Variants in HAPLN2 observed in about 807,000 individuals in gnomAD.
The protein encoded by HAPLN2 is brain link protein-1.
A neutral mutation model predicts 29.3 loss-of-function variants in HAPLN2; 27 were observed. The ratio of observed to expected loss-of-function variants is 0.92; its 90% confidence interval spans 0.68 to 1.27. The LOEUF is 1.27. Ranked by LOEUF, HAPLN2 falls within the 50% of genes most tolerant of loss-of-function variation. HAPLN2 has a pLI of 0.00. For missense variants in HAPLN2, 454 were observed against 484.3 expected (o/e 0.94, Z 0.59); for synonymous variants, 208 against 211.7 (o/e 0.98, Z 0.15).
the HAPLN2 span, among the ~76,000 whole-genome samples, chr1:156,605,598 CAA>C: frequency 4.7e-5 from 3 of 63,840 alleles, no homozygotes; most frequent in Non-Finnish European, 5.2e-5. Context: ...GACTTGGTCT[CAA>C]AAAAAAAAAA....
rs1678408892 is a variant in HAPLN2, at chr1:156,625,232, G to T, written c.871G>T (p.Asp291Tyr). The T allele has an allele frequency of 6.4e-7, 1 of 1,571,736 alleles. No individual in the cohort carries two copies. The highest frequency in any genetic ancestry group is 8.6e-7 in the Non-Finnish European group (1 of 1,159,608). ...GAAGTTTTCGGGGCTAGACCAGTGC[G>T]ACGGCGGCTGGCTGGCTGACGGCAG... ...AWKFSGLDQC[D>Y]GGWLADGSVR... The change falls in exon 7 of 7, where the codon GAC (aspartate) becomes TAC (tyrosine). Residue 291 changes from aspartate to tyrosine, a missense_variant. By Grantham distance (160) the Asp-to-Tyr change is radical. Coordinates refer to ENST00000255039, the MANE Select transcript of HAPLN2 (RefSeq NM_021817.3). This position sits in a 1 kb window ranked among gnomAD's most constrained non-coding sequence, Gnocchi z 5.7.
the HAPLN2 span, among the ~76,000 whole-genome samples, chr1:156,605,454 G>T: frequency 1.3e-5 from 2 of 151,538 alleles, no homozygotes; most frequent in East Asian, 1.9e-4. Context: ...CAAAAAATTA[G>T]CCGGGTGCAG....
At chr1:156,609,026 C>T in the HAPLN2 span, among the ~76,000 whole-genome samples, 1 of 152,182 alleles carries the variant, frequency 6.6e-6, no homozygotes, top group Admixed American at 6.5e-5. Context: ...CCAAGGAATC[C>T]CAGCCTTATT....
At chr1:156,616,743 T>G (rs1337798279), upstream of HAPLN2, among the ~76,000 whole-genome samples, 1 of 151,902 alleles carries the variant, frequency 6.6e-6, no homozygotes, top group African/African-American at 2.4e-5. Flanking sequence ...GGGAAGCGCT[T>G]AAGAACAGGG....
intron 4 of HAPLN2, 85 bp downstream of exon 4, chr1:156,624,245 C>G: frequency 6.6e-7 from 1 of 1,508,490 alleles, no homozygotes; most frequent in South Asian, 1.3e-5. Flanking sequence ...CCCAGTATCT[C>G]CTCCGCACCC....
the HAPLN2 span, among the ~76,000 whole-genome samples, chr1:156,605,063 C>T: frequency 2.0e-5 from 3 of 151,800 alleles, no homozygotes; most frequent in Admixed American, 2.0e-4. Context: ...GTCAGGAGTT[C>T]GAGACCAGCC....
the HAPLN2 span, among the ~76,000 whole-genome samples, chr1:156,612,665 G>A: frequency 6.6e-6 from 1 of 152,150 alleles, no homozygotes; most frequent in Non-Finnish European, 1.5e-5. Context: ...GGTGGCTCAC[G>A]GGAGCAGCAA....
Position 156,625,629 on chromosome 1 carries a change from C to T in HAPLN2, c.*245C>T. 2.2e-6 allele frequency: 1 copy of T among 456,054 alleles called. No individual in the cohort carries two copies. The highest frequency in any genetic ancestry group is 3.8e-6 in the Non-Finnish European group (1 of 260,978). 28.3% of individuals were successfully genotyped at this position (456,054 alleles called of 1,614,324 possible). ...CTCGGACCCGCTGCCGTTCGCGAAC[C>T]CTAGCAGAGGACTCAGCCACCGCCG... On this transcript the variant is annotated 3_prime_UTR_variant, in exon 7 of 7. Transcript: ENST00000255039. The surrounding 1 kb of genome is among the most constrained non-coding windows in gnomAD (Gnocchi z 5.7).
the HAPLN2 span, among the ~76,000 whole-genome samples, chr1:156,606,722 T>G: frequency 6.6e-6 from 1 of 151,824 alleles, no homozygotes; most frequent in Non-Finnish European, 1.5e-5. Flanking sequence ...GGCTCAAGCA[T>G]TCCTCCTGCC....
the HAPLN2 span, among the ~76,000 whole-genome samples, chr1:156,604,568 G>A: frequency 2.6e-5 from 4 of 152,150 alleles, no homozygotes; most frequent in South Asian, 2.1e-4. Flanking sequence ...GATTAAAGGC[G>A]GAGCCACCGT....
At chr1:156,617,373 T>C (rs1459222395), upstream of HAPLN2, among the ~76,000 whole-genome samples, 3 of 139,526 alleles carry the variant, frequency 2.2e-5, no homozygotes, top group Non-Finnish European at 4.6e-5. Flanking sequence ...TTTTTTGAGA[T>C]GGTGTCTCAC....
chr1:156,621,693 C>T (rs1469262378), intron 2 of HAPLN2, among the ~76,000 whole-genome samples: 1 of 149,420 alleles, frequency 6.7e-6, no homozygotes, highest in Non-Finnish European at 1.5e-5. Flanking sequence ...CATTGCACTC[C>T]AGCCTGGGCA....
At chr1:156,621,526 G>A (rs577124960) in intron 2 of HAPLN2, among the ~76,000 whole-genome samples, 15 of 151,764 alleles carry the variant, frequency 9.9e-5, no homozygotes, top group Middle Eastern at 3.4e-3. Context: ...CCTGAGGTCC[G>A]GAGTTCTCAA....
At position 156,624,503 on chromosome 1, in the gene HAPLN2, G is replaced by A. The variant is rs373731243; in HGVS notation, c.556+36G>A. 16 of 1,607,570 alleles carry A rather than the reference G, an allele frequency of 1.0e-5. No individual in the cohort carries two copies. The African/African-American group carries it at 1.3e-4, about 13-fold the overall frequency. On this transcript the variant is annotated intron_variant, in intron 5 of 6. Coordinates refer to ENST00000255039, the MANE Select transcript of HAPLN2 (RefSeq NM_021817.3). ...GAACCCAGCACTTCCCAAGCCCCGC[G>A]GAGCTGTCTCAGGGGCCCGAGAGAG... is the stretch of plus-strand genomic sequence containing the variant.
Position 156,624,031 on chromosome 1 carries a change from C to A in HAPLN2, c.310C>A (p.Arg104=), listed in dbSNP as rs1426098268. 6.2e-7 allele frequency: 1 copy of A among 1,612,212 alleles called. No individual in the cohort carries two copies. The highest frequency in any genetic ancestry group is 1.3e-5 in the African/African-American group (1 of 74,896). Residue 104 remains arginine (R), a synonymous_variant, in exon 4 of 7, where the codon CGG becomes AGG. Coordinates refer to ENST00000255039, the MANE Select transcript of HAPLN2 (RefSeq NM_021817.3). Reference sequence around the variant, plus strand: ...GCCCCTGGGAGGGCGCGCCAGGATGCGGAGGGGGCATCGACTAGACGCCTC... The same window carrying A: ...GCCCCTGGGAGGGCGCGCCAGGATGAGGAGGGGGCATCGACTAGACGCCTC... ...YGPLGGRARM[R]RGHRLDASLV... is the part of the protein sequence containing the mutation.
At position 156,624,603 on chromosome 1, in the gene HAPLN2, T is replaced by C. The variant is rs1294825387; in HGVS notation, c.559T>C (p.Trp187Arg). 1.2e-6 allele frequency: 2 copies of C among 1,612,578 alleles called. No individual in the cohort carries two copies. The highest frequency in any genetic ancestry group is 1.1e-5 in the South Asian group (1 of 90,872). Residue 187 changes from tryptophan (W) to arginine (R), a missense_variant and splice_region_variant, in exon 6 of 7, where the codon TGG (tryptophan) becomes CGG (arginine). Trp to Arg is a moderately radical substitution (Grantham distance 101). This residue lies in a region of HAPLN2 where 235 missense variants were observed against 236.9 expected (regional missense o/e 0.99). Transcript: ENST00000255039. ...LATYSQLYQAWTEGLDWCNAG... is the reference protein window; with the variant it reads ...LATYSQLYQARTEGLDWCNAG... ...CGACCTCCGCCGTCTCCCGCCAGCT[T>C]GGACCGAGGGTCTGGACTGGTGTAA... is the stretch of plus-strand genomic sequence containing the variant.
the HAPLN2 span, among the ~76,000 whole-genome samples, chr1:156,608,774 C>A: frequency 2.0e-5 from 3 of 152,128 alleles, no homozygotes; most frequent in Admixed American, 2.0e-4. Context: ...AACTCTTGAC[C>A]TCGTGATCCA....
chr1:156,619,956 T>C (rs2102524980), intron 1 of HAPLN2, 62 bp from the exon 2 acceptor site: 1 of 152,794 alleles, frequency 6.5e-6, no homozygotes, highest in East Asian at 1.9e-4. Flanking sequence ...CTTGGCTTCT[T>C]CTTTGAGCAC....
Position 156,625,613 on chromosome 1 carries a change from G to C in HAPLN2, c.*229G>C, listed in dbSNP as rs989336847. The C allele has an allele frequency of 2.3e-5, 11 of 468,278 alleles. No homozygotes were observed. Among genetic ancestry groups the C allele is most frequent in the Non-Finnish European group, 3.3e-5 (9 of 270,184 alleles). 29.0% of individuals were successfully genotyped at this position (468,278 alleles called of 1,614,324 possible). A position where few individuals can be genotyped will look rare whatever the true frequency, so the allele number is the denominator to read the frequency against. Reference sequence around the variant, plus strand: ...AGATGCAGAGGTGACCCTCGGACCCGCTGCCGTTCGCGAACCCTAGCAGAG... The same window carrying C: ...AGATGCAGAGGTGACCCTCGGACCCCCTGCCGTTCGCGAACCCTAGCAGAG... On this transcript the variant is annotated 3_prime_UTR_variant, in exon 7 of 7. Coordinates refer to ENST00000255039, the MANE Select transcript of HAPLN2 (RefSeq NM_021817.3). The surrounding 1 kb of genome is among the most constrained non-coding windows in gnomAD (Gnocchi z 5.7).
Sources: allele counts gnomAD v4.1 joint callset (sites outside exome capture counted in the v4.1 genomes callset), GRCh38; gene constraint gnomAD v4.1.1; regional missense constraint gnomAD v4.1.1; non-coding constraint Gnocchi (gnomAD v3.1); transcripts MANE v1.5; gene names NCBI Gene and HGNC (gene_info 2026-07-23, HGNC 2026-07-21).